DLC1: variants seen among roughly 807,000 people sequenced by gnomAD.
The protein encoded by DLC1 is rho GTPase-activating protein 7.
DLC1 carries 54 observed loss-of-function variants against 140.3 expected under a neutral mutation model. That is an observed-to-expected ratio of 0.38 (90% CI 0.31 to 0.48). The LOEUF is 0.48. DLC1 is among the 20% of genes least tolerant of loss of function. DLC1 has a pLI of 0.96. For synonymous variants in DLC1, 986 were observed against 728.1 expected (o/e 1.35, Z -5.70); for missense variants, 2,536 against 1,907.0 (o/e 1.33, Z -6.14).
chr8:13,553,207 T>TATATATATATATATATATATATTC (rs1803923165), intron 1 of DLC1, among the ~76,000 whole-genome samples: 1 of 59,488 alleles, frequency 1.7e-5, no homozygotes, highest in Non-Finnish European at 3.4e-5. Flanking sequence ...AGCTGTCATA[T>TATATATATATATATATATATATTC]ATATATATAT....
intron 5 of DLC1, among the ~76,000 whole-genome samples, chr8:13,272,823 G>A (rs761911445): frequency 6.6e-6 from 1 of 152,148 alleles, no homozygotes; most frequent in Non-Finnish European, 1.5e-5. Context: ...AAAGTGAGCC[G>A]AGATCGCGCC....
chr8:13,448,151 G>A (rs1305984395), intron 2 of DLC1, among the ~76,000 whole-genome samples: 1 of 152,094 alleles, frequency 6.6e-6, no homozygotes, highest in Non-Finnish European at 1.5e-5. Context: ...ATTATGGCTG[G>A]GAAAGCGTCT....
intron 4 of DLC1, among the ~76,000 whole-genome samples, chr8:13,352,771 T>G: frequency 6.6e-6 from 1 of 152,156 alleles, no homozygotes; most frequent in African/African-American, 2.4e-5. Flanking sequence ...GGAAGAATCG[T>G]TAAGCAACTG....
At chr8:13,314,027 T>C (rs1167413655) in intron 4 of DLC1, among the ~76,000 whole-genome samples, 1 of 152,072 alleles carries the variant, frequency 6.6e-6, no homozygotes, top group Non-Finnish European at 1.5e-5. Flanking sequence ...GTGGAAGTGA[T>C]CCCTGTACCA....
chr8:13,466,994 C>T (rs7827604), intron 2 of DLC1, among the ~76,000 whole-genome samples: 123,205 of 151,896 alleles, frequency 0.81, 51,434 homozygotes, highest in Middle Eastern at 0.94. Flanking sequence ...GTGAGTATGA[C>T]ATATCCCTCT....
At position 13,092,663 on chromosome 8, in the gene DLC1, G is replaced by T. The variant is rs759769870; in HGVS notation, c.3689C>A (p.Ala1230Glu). 3 of 1,614,060 alleles carry T rather than the reference G, an allele frequency of 1.9e-6. No homozygotes were observed. The highest frequency in any genetic ancestry group is 2.5e-6 in the Non-Finnish European group (3 of 1,180,046). The change falls in exon 13 of 18, where the codon GCG becomes GAG. Residue 1230 changes from alanine (A) to glutamate (E), a missense_variant. Coordinates refer to ENST00000276297, the MANE Select transcript of DLC1 (RefSeq NM_182643.3). ...MTPTNLAVCL[A>E]PSLFHLNTLK... ...GGTGTTGAGATGGAAGAGGGAAGGC[G>T]CTAAGCACACGGCCAGGTTGGTTGG...
intron 2 of DLC1, among the ~76,000 whole-genome samples, chr8:13,411,635 G>A (rs899419685): frequency 5.9e-5 from 9 of 152,074 alleles, no homozygotes; most frequent in Non-Finnish European, 1.2e-4. Context: ...TTGGCAGAGG[G>A]CATATAAAAC....
chr8:13,249,482 C>A (rs1829911154), intron 5 of DLC1, among the ~76,000 whole-genome samples: 3 of 152,132 alleles, frequency 2.0e-5, no homozygotes, highest in Admixed American at 2.0e-4. Context: ...GTCATGGTAC[C>A]CACTGCCACC....
chr8:13,305,147 C>T, intron 5 of DLC1, 122 bp downstream of exon 5: 3 of 1,381,142 alleles, frequency 2.2e-6, no homozygotes, highest in East Asian at 2.7e-5. Context: ...AGAATTTAAA[C>T]AACATTTTCC....
chr8:13,603,198 G>A (rs1455698872), intron 1 of DLC1, among the ~76,000 whole-genome samples: 1 of 151,790 alleles, frequency 6.6e-6, no homozygotes, highest in Non-Finnish European at 1.5e-5. Context: ...CCATTTCTAT[G>A]TAGTGTTTCT....
intron 5 of DLC1, among the ~76,000 whole-genome samples, chr8:13,174,346 G>A (rs1271649211): frequency 6.6e-6 from 1 of 152,078 alleles, no homozygotes; most frequent in African/African-American, 2.4e-5. Flanking sequence ...GTGTTTTTTT[G>A]ATAGAATGAT....
chr8:13,256,223 T>A (rs1229438554), intron 5 of DLC1, among the ~76,000 whole-genome samples: 1 of 152,218 alleles, frequency 6.6e-6, no homozygotes, highest in African/African-American at 2.4e-5. Context: ...TGTACAGTAG[T>A]TGTTACTACG....
At chr8:13,166,455 C>G (rs1825116510) in intron 5 of DLC1, among the ~76,000 whole-genome samples, 1 of 152,128 alleles carries the variant, frequency 6.6e-6, no homozygotes, top group Admixed American at 6.5e-5. Context: ...ATTCTCCTGC[C>G]TCAACCTCCC....
intron 4 of DLC1, among the ~76,000 whole-genome samples, chr8:13,324,135 A>G (rs963544712): frequency 6.6e-6 from 1 of 152,136 alleles, no homozygotes; most frequent in Non-Finnish European, 1.5e-5. Context: ...GGTGTTTTTA[A>G]TTTTTTTGTT....
chr8:13,244,563 T>A (rs1829682255), intron 5 of DLC1, among the ~76,000 whole-genome samples: 1 of 152,132 alleles, frequency 6.6e-6, no homozygotes, highest in Non-Finnish European at 1.5e-5. Context: ...TCTCCCAAAG[T>A]GCTGGGATTA....
At chr8:13,280,985 C>T (rs995123916) in intron 5 of DLC1, among the ~76,000 whole-genome samples, 1 of 152,182 alleles carries the variant, frequency 6.6e-6, no homozygotes, top group Admixed American at 6.5e-5. Context: ...CCCTAAAATG[C>T]TGTAACTCCA....
intron 5 of DLC1, among the ~76,000 whole-genome samples, chr8:13,287,076 A>G (rs1237723722): frequency 6.6e-6 from 1 of 151,926 alleles, no homozygotes; most frequent in East Asian, 1.9e-4. Flanking sequence ...TCTCGTTAAT[A>G]AATTTAAGAA....
At chr8:13,332,909 T>C (rs1833659258) in intron 4 of DLC1, among the ~76,000 whole-genome samples, 1 of 152,068 alleles carries the variant, frequency 6.6e-6, no homozygotes, top group Non-Finnish European at 1.5e-5. Context: ...TTCTTAAGAG[T>C]GGTTCTCGGA....
At chr8:13,355,704 A>C (rs1834909986) in intron 4 of DLC1, among the ~76,000 whole-genome samples, 1 of 152,174 alleles carries the variant, frequency 6.6e-6, no homozygotes, top group Non-Finnish European at 1.5e-5. Flanking sequence ...TCACTGTAGA[A>C]CAACATTTGA....
Sources: allele counts gnomAD v4.1 joint callset (sites outside exome capture counted in the v4.1 genomes callset), GRCh38; gene constraint gnomAD v4.1.1; transcripts MANE v1.5; gene names NCBI Gene and HGNC (gene_info 2026-07-23, HGNC 2026-07-21).